The following NCAM1 variants were observed in gnomAD, a reference collection of about 807,000 sequenced individuals.
The protein encoded by NCAM1 is antigen recognized by monoclonal antibody 5.1H11.
NCAM1 carries 14 observed loss-of-function variants against 109.8 expected under a neutral mutation model. The ratio of observed to expected loss-of-function variants is 0.13; its 90% CI spans 0.08 to 0.20. The LOEUF (loss-of-function observed/expected upper bound fraction) is 0.20, where lower values mean the gene tolerates loss of function less well. Among genes scored for constraint, NCAM1 ranks in the 10% least tolerant of loss-of-function variants. NCAM1 has a pLI of 1.00. For missense variants in NCAM1, 774 were observed against 1,109.9 expected (o/e 0.70, Z 4.30); for synonymous variants, 418 against 442.9 (o/e 0.94, Z 0.70).
intron 2 of NCAM1, 81 bp downstream of exon 2, chr11:113,202,534 A>C (rs1220942861): frequency 7.8e-7 from 1 of 1,285,750 alleles, no homozygotes; most frequent in Non-Finnish European, 1.1e-6. Flanking sequence ...AGGCCATGTG[A>C]GCTGGCTGGT....
intron 1 of NCAM1, among the ~76,000 whole-genome samples, chr11:112,966,924 G>A (rs781933945): frequency 5.3e-5 from 8 of 152,252 alleles, no homozygotes; most frequent in Admixed American, 3.3e-4. Context: ...CAAGAGGACT[G>A]CACTAAAAGG....
At chr11:113,130,591 G>C (rs1239198888) in intron 1 of NCAM1, 1 of 152,220 alleles carries the variant, frequency 6.6e-6, no homozygotes, top group African/African-American at 2.4e-5. Context: ...TGACTGGGCT[G>C]TAGATACCTT....
intron 1 of NCAM1, among the ~76,000 whole-genome samples, chr11:113,145,989 TC>T (rs1942004164): frequency 6.6e-6 from 1 of 152,220 alleles, no homozygotes. Context: ...TTGCTCATAA[TC>T]TGGCTTAACG....
intron 1 of NCAM1, among the ~76,000 whole-genome samples, chr11:113,065,085 T>A (rs1392866899): frequency 6.6e-6 from 1 of 151,952 alleles, no homozygotes; most frequent in Non-Finnish European, 1.5e-5. Context: ...AAGGAAGTGC[T>A]ACAAAAGAAA....
chr11:113,271,527 G>A (rs1156496723), intron 18 of NCAM1, among the ~76,000 whole-genome samples: 1 of 152,090 alleles, frequency 6.6e-6, no homozygotes, highest in Non-Finnish European at 1.5e-5. Context: ...TCATAACTAG[G>A]CAAAGTAACA....
chr11:113,172,515 T>C (rs1333440284), intron 1 of NCAM1, among the ~76,000 whole-genome samples: 17 of 152,366 alleles, frequency 1.1e-4, no homozygotes, highest in Admixed American at 7.2e-4. Flanking sequence ...GATCTTGGTA[T>C]GTTCTTTTGT....
At position 113,273,738 on chromosome 11, in the gene NCAM1, G is replaced by T. The variant is rs972912654; in HGVS notation, c.2457-1529G>T. 37 of 442,476 alleles carry T rather than the reference G, an allele frequency of 8.4e-5. No individual in the cohort carries two copies. The highest frequency in any genetic ancestry group is 1.3e-4 in the Non-Finnish European group (29 of 218,918). 27.4% of individuals were successfully genotyped at this position (442,476 alleles called of 1,614,324 possible). A position where few individuals can be genotyped will look rare whatever the true frequency, so the allele number is the denominator to read the frequency against. On this transcript the variant is annotated intron_variant, in intron 19 of 19. Coordinates refer to ENST00000316851, the MANE Select transcript of NCAM1 (RefSeq NM_181351.5). This position sits in a 1 kb window ranked among gnomAD's most constrained non-coding sequence, Gnocchi z 6.0. ...AGACAGCTCTGTTTCGCCTGCGCCA[G>T]CAAAGACCGAGTACGGCCTCTCTTT...
At chr11:113,268,860 G>A (rs1946201670) in intron 17 of NCAM1, among the ~76,000 whole-genome samples, 1 of 152,174 alleles carries the variant, frequency 6.6e-6, no homozygotes, top group African/African-American at 2.4e-5. Context: ...TGGGGTGGCT[G>A]GTGGGGTGAG....
intron 1 of NCAM1, among the ~76,000 whole-genome samples, chr11:113,063,966 T>C (rs1206209085): frequency 3.9e-5 from 6 of 152,194 alleles, no homozygotes; most frequent in African/African-American, 9.6e-5. Context: ...GATAATGCAG[T>C]TTCTTTGCCA....
At chr11:113,072,823 A>ATTT (rs11425032) in intron 1 of NCAM1, among the ~76,000 whole-genome samples, 41 of 145,602 alleles carry the variant, frequency 2.8e-4, no homozygotes, top group African/African-American at 1.0e-3. Context: ...ATTGTTTTTT[A>ATTT]TTTTTTTTTT....
intron 1 of NCAM1, among the ~76,000 whole-genome samples, chr11:113,153,475 A>AGAGTGT (rs1555102886): frequency 2.0e-5 from 3 of 148,668 alleles, no homozygotes; most frequent in African/African-American, 7.5e-5. Flanking sequence ...AGAGAGAGAG[A>AGAGTGT]GTGTGTGTGT....
intron 1 of NCAM1, among the ~76,000 whole-genome samples, chr11:113,184,702 A>G (rs1555108544): frequency 6.6e-6 from 1 of 152,154 alleles, no homozygotes; most frequent in Non-Finnish European, 1.5e-5. Flanking sequence ...TGACTCACAC[A>G]GGGAATATGT....
intron 1 of NCAM1, among the ~76,000 whole-genome samples, chr11:113,197,810 CT>C (rs1943901148): frequency 6.6e-6 from 1 of 152,198 alleles, no homozygotes; most frequent in African/African-American, 2.4e-5. Context: ...CATGTGAACT[CT>C]TTTTTGAAAT....
intron 1 of NCAM1, among the ~76,000 whole-genome samples, chr11:113,198,447 C>T (rs1279394017): frequency 6.6e-6 from 1 of 151,752 alleles, no homozygotes; most frequent in Non-Finnish European, 1.5e-5. Flanking sequence ...TCTCGGCTCA[C>T]TGCAACCTCC....
At chr11:113,070,294 A>G (rs7952033) in intron 1 of NCAM1, among the ~76,000 whole-genome samples, 3,216 of 152,238 alleles carry the variant, frequency 0.021, 108 homozygotes, top group African/African-American at 0.073. Flanking sequence ...GAAAATAGCA[A>G]GAAGAGTGAT....
At chr11:113,062,440 G>C (rs1301919847) in intron 1 of NCAM1, among the ~76,000 whole-genome samples, 5 of 152,102 alleles carry the variant, frequency 3.3e-5, no homozygotes, top group African/African-American at 9.7e-5. Flanking sequence ...CTGGGCGCTG[G>C]ATCTACAGAG....
At chr11:112,965,686 T>C (rs899901493) in intron 1 of NCAM1, among the ~76,000 whole-genome samples, 2 of 152,230 alleles carry the variant, frequency 1.3e-5, no homozygotes, top group Admixed American at 6.5e-5. Context: ...CTCTGTTAAG[T>C]ATGAGTTTGA....
At chr11:112,992,822 C>T (rs1951500031) in intron 1 of NCAM1, among the ~76,000 whole-genome samples, 1 of 152,068 alleles carries the variant, frequency 6.6e-6, no homozygotes, top group Non-Finnish European at 1.5e-5. Flanking sequence ...AATCACTGAA[C>T]TCTTATCTCT....
chr11:113,041,084 T>C (rs1217280639), intron 1 of NCAM1: 2 of 152,218 alleles, frequency 1.3e-5, no homozygotes, highest in East Asian at 3.8e-4. Context: ...GGAAATGTCA[T>C]TGGTACAGAG....
Sources: allele counts gnomAD v4.1 joint callset (sites outside exome capture counted in the v4.1 genomes callset), GRCh38; gene constraint gnomAD v4.1.1; non-coding constraint Gnocchi (gnomAD v3.1); transcripts MANE v1.5; gene names NCBI Gene and HGNC (gene_info 2026-07-23, HGNC 2026-07-21).